Variants in PPP6R3 observed in about 807,000 individuals in gnomAD.
PPP6R3 encodes protein phosphatase 6 regulatory subunit 3.
A neutral mutation model predicts 110.7 loss-of-function variants in PPP6R3; 38 were observed. The ratio of observed to expected loss-of-function variants is 0.34; its 90% CI spans 0.26 to 0.45. The LOEUF (loss-of-function observed/expected upper bound fraction) is 0.45. Among genes scored for constraint, PPP6R3 ranks in the 20% least tolerant of loss-of-function variants. The pLI is 1.00. For missense variants in PPP6R3, 870 were observed against 1,062.4 expected (o/e 0.82, Z 2.52); for synonymous variants, 369 against 373.5 (o/e 0.99, Z 0.14).
At chr11:68,550,153 G>A (rs2099365198) in intron 5 of PPP6R3, among the ~76,000 whole-genome samples, 1 of 152,168 alleles carries the variant, frequency 6.6e-6, no homozygotes, top group Admixed American at 6.5e-5. Flanking sequence ...ATTTGAACAA[G>A]ATTCTCGGAG....
Position 68,601,897 on chromosome 11 carries a change from GA to G in PPP6R3, c.2230del (p.Met744TrpfsTer11). 1 of 1,613,412 alleles carries G rather than the reference GA, an allele frequency of 6.2e-7. No individual in the cohort carries two copies. The highest frequency in any genetic ancestry group is 1.1e-5 in the South Asian group (1 of 90,826). The stretch of plus-strand genomic sequence containing the variant: ...TTCTTTAAGGAGTAATTCTCCAGTG[GA>G]AATGGAAACCAGCACTGAACCCATG... The part of the protein sequence containing the change: ...KDSLRSNSPV[E>X]METSTEPMDP... On this transcript the variant is annotated frameshift_variant, in exon 21 of 24. Transcript: ENST00000393800. LOFTEE classifies it high-confidence loss of function.
chr11:68,558,543 T>A, intron 7 of PPP6R3, 23 bp from the exon 8 acceptor site: 1 of 1,495,432 alleles, frequency 6.7e-7, no homozygotes, highest in Non-Finnish European at 9.3e-7. Flanking sequence ...CTGCAGTTAG[T>A]GATTATTGAT....
intron 4 of PPP6R3, 136 bp from the exon 5 acceptor site, chr11:68,547,931 G>T: frequency 1.2e-6 from 1 of 866,826 alleles, no homozygotes; most frequent in Non-Finnish European, 1.7e-6. Context: ...TTGATACCTT[G>T]TTGCTAATTC....
chr11:68,594,837 G>T (rs2099608564), intron 18 of PPP6R3, among the ~76,000 whole-genome samples: 1 of 152,132 alleles, frequency 6.6e-6, no homozygotes. Context: ...AAATTCAATA[G>T]TTAAAACAGT....
intron 1 of PPP6R3, among the ~76,000 whole-genome samples, chr11:68,461,561 T>G (rs1441837106): frequency 6.6e-6 from 1 of 152,094 alleles, no homozygotes; most frequent in African/African-American, 2.4e-5. Flanking sequence ...ATTCACTGTT[T>G]ACTTGGAGGT....
chr11:68,497,123 T>G (rs1278039236), intron 1 of PPP6R3, among the ~76,000 whole-genome samples: 2 of 151,822 alleles, frequency 1.3e-5, no homozygotes, highest in Non-Finnish European at 2.9e-5. Flanking sequence ...CTCGGCTCAC[T>G]GCAAGCTCCG....
rs2509524 is a variant in PPP6R3, at chr11:68,490,317, T to A, written c.-157-29184T>A. Among the ~76,000 whole-genome samples, 218 of 152,328 alleles carry A rather than the reference T, an allele frequency of 1.4e-3. 1 individual carries two copies. Among genetic ancestry groups the A allele is most frequent in the African/African-American group, 4.9e-3 (205 of 41,588 alleles). On this transcript the variant is annotated intron_variant, in intron 1 of 23. Coordinates refer to ENST00000393800, the MANE Select transcript of PPP6R3 (RefSeq NM_001164161.2). ...GATGTAATTCTTGCCTTTGCTACCC[T>A]GTAGGTAAGGTTCCCTCCCACCTTG...
At chr11:68,528,964 C>T (rs2099219057) in intron 2 of PPP6R3, among the ~76,000 whole-genome samples, 1 of 152,166 alleles carries the variant, frequency 6.6e-6, no homozygotes, top group African/African-American at 2.4e-5. Flanking sequence ...ACATCCTGTT[C>T]CCCAGCCTGC....
rs779503856 is a variant in PPP6R3, at chr11:68,580,018, C to T, written c.1546-3025C>T. On this transcript the variant is annotated intron_variant, in intron 14 of 23. Coordinates refer to ENST00000393800, the MANE Select transcript of PPP6R3 (RefSeq NM_001164161.2). ...CAGATGGTAAGTGCTAAGGAGCCAA[C>T]GCATGGGAGGGAGTTAGGGAGTCTT... is the stretch of plus-strand genomic sequence containing the variant. 5.3e-5 allele frequency among the ~76,000 whole-genome samples: 8 copies of T among 152,136 alleles called. No homozygotes were observed. The East Asian group carries it at 9.6e-4, about 18-fold the overall frequency.
rs2513302 is a variant in PPP6R3 at position 68,609,991 on chromosome 11, G to T, written c.2538G>T (p.Ala846=). The T allele has an allele frequency of 3.1e-6, 5 of 1,614,058 alleles. No homozygotes were observed. Among genetic ancestry groups the T allele is most frequent in the Middle Eastern group, 1.6e-4 (1 of 6,062 alleles). ...CPETAEAKCA[A]PRPPSSSPEQ... is the part of the protein sequence containing the mutation. The stretch of plus-strand genomic sequence containing the variant: ...AGACTGCAGAGGCGAAGTGCGCGGC[G>T]CCCAGGCCTCCCAGCAGCAGTCCCG... Residue 846 remains alanine, a synonymous_variant, in exon 23 of 24, where the codon GCG becomes GCT. Transcript: ENST00000393800.
At chr11:68,492,054 C>T (rs2098987609) in intron 1 of PPP6R3, among the ~76,000 whole-genome samples, 1 of 152,186 alleles carries the variant, frequency 6.6e-6, no homozygotes, top group Non-Finnish European at 1.5e-5. Context: ...TTCTAAGTAC[C>T]TTGTGTAAAT....
intron 1 of PPP6R3, among the ~76,000 whole-genome samples, chr11:68,461,394 C>T (rs1175033384): frequency 6.6e-6 from 1 of 151,828 alleles, no homozygotes; most frequent in African/African-American, 2.4e-5. Flanking sequence ...CCAGCCAGTT[C>T]CGAGGCTCCC....
At chr11:68,474,919 T>A (rs1024853456) in intron 1 of PPP6R3, among the ~76,000 whole-genome samples, 12 of 152,138 alleles carry the variant, frequency 7.9e-5, no homozygotes, top group Admixed American at 5.2e-4. Flanking sequence ...TTATTTTTTT[T>A]ATTTTTATTT....
intron 2 of PPP6R3, among the ~76,000 whole-genome samples, chr11:68,534,680 T>A (rs1320931725): frequency 2.0e-5 from 3 of 152,224 alleles, no homozygotes; most frequent in Admixed American, 6.5e-5. Flanking sequence ...GATGCCAGAT[T>A]CACTTTTTTT....
At chr11:68,461,325 T>C (rs957339378) in intron 1 of PPP6R3, among the ~76,000 whole-genome samples, 2 of 152,140 alleles carry the variant, frequency 1.3e-5, no homozygotes, top group African/African-American at 4.8e-5. Context: ...GACTCTGCTC[T>C]TCGGGAAACA....
At chr11:68,540,045 G>C (rs1372777890) in intron 3 of PPP6R3, among the ~76,000 whole-genome samples, 1 of 152,212 alleles carries the variant, frequency 6.6e-6, no homozygotes, top group African/African-American at 2.4e-5. Context: ...GTGAATGAGG[G>C]AAAATGGAAG....
intron 7 of PPP6R3, among the ~76,000 whole-genome samples, chr11:68,555,193 TA>T (rs1169731248): frequency 4.6e-5 from 7 of 152,202 alleles, no homozygotes; most frequent in Admixed American, 4.6e-4. Flanking sequence ...GGCTTCTGAG[TA>T]AAATGGCATC....
intron 1 of PPP6R3, among the ~76,000 whole-genome samples, chr11:68,467,878 G>A (rs1565207125): frequency 1.3e-5 from 2 of 152,132 alleles, no homozygotes; most frequent in African/African-American, 2.4e-5. Flanking sequence ...AGGTTGAAGC[G>A]ATTCTCCTGC....
chr11:68,599,536 G>A (rs1188937188), intron 19 of PPP6R3, among the ~76,000 whole-genome samples: 2 of 152,232 alleles, frequency 1.3e-5, no homozygotes, highest in Non-Finnish European at 2.9e-5. Context: ...CCCGCAGAAT[G>A]GGCGAAGTGC....
Sources: allele counts gnomAD v4.1 joint callset (sites outside exome capture counted in the v4.1 genomes callset), GRCh38; gene constraint gnomAD v4.1.1; transcripts MANE v1.5; gene names NCBI Gene and HGNC (gene_info 2026-07-23, HGNC 2026-07-21).